VPS37B: variants seen among roughly 807,000 people sequenced by gnomAD.
VPS37B encodes the protein vacuolar protein sorting-associated protein 37B.
A neutral mutation model predicts 21.2 loss-of-function variants in VPS37B; 11 were observed. The observed-to-expected ratio is 0.52, with a 90% confidence interval of 0.33 to 0.86. The LOEUF (loss-of-function observed/expected upper bound fraction) is 0.86, where lower values mean the gene tolerates loss of function less well. Among genes scored for constraint, VPS37B ranks in the 40% least tolerant of loss-of-function variants. The pLI is 0.03. For synonymous variants in VPS37B, 175 were observed against 159.6 expected, an observed-to-expected ratio of 1.10 and a Z score of -0.73; for missense variants, 389 against 374.8, an observed-to-expected ratio of 1.04 and a Z score of -0.31.
At chr12:122,893,309 T>C (rs910033794) in intron 1 of VPS37B, among the ~76,000 whole-genome samples, 3 of 152,164 alleles carry the variant, frequency 2.0e-5, no homozygotes, top group East Asian at 3.8e-4. Flanking sequence ...CTCTATGAAA[T>C]AGGTATTACT....
chr12:122,892,965 G>A (rs1368989795), intron 1 of VPS37B, among the ~76,000 whole-genome samples: 1 of 151,750 alleles, frequency 6.6e-6, no homozygotes, highest in Non-Finnish European at 1.5e-5. Context: ...GGAGGCTAAG[G>A]CACGAGAATC....
chr12:122,882,725 G>C (rs2034263616), intron 1 of VPS37B: 1 of 152,140 alleles, frequency 6.6e-6, no homozygotes, highest in South Asian at 2.1e-4. Flanking sequence ...CATGCAATTT[G>C]AGTTTGAGCT....
chr12:122,890,281 T>C (rs1461357310), intron 1 of VPS37B: 2 of 151,954 alleles, frequency 1.3e-5, no homozygotes, highest in African/African-American at 2.4e-5. Context: ...AGAAACCTAA[T>C]GTAGCCAGAG....
At position 122,866,885 on chromosome 12, in the gene VPS37B, A is replaced by C. The variant is rs1177048936; in HGVS notation, c.*231T>G. On this transcript the variant is annotated 3_prime_UTR_variant, in exon 4 of 4. Transcript: ENST00000267202. ...ACTTAGAAATCACACGGATAATGCA[A>C]ACCGATGCAACGCACAGGTGTCAGG... 1 of 455,416 alleles carries C rather than the reference A, an allele frequency of 2.2e-6. No homozygotes were observed. Among genetic ancestry groups the C allele is most frequent in the Non-Finnish European group, 3.8e-6 (1 of 264,732 alleles). 28.2% of individuals were successfully genotyped at this position (455,416 alleles called of 1,614,324 possible). A position where few individuals can be genotyped will look rare whatever the true frequency, so the allele number is the denominator to read the frequency against.
intron 1 of VPS37B, chr12:122,876,212 G>A (rs932511611): frequency 6.6e-6 from 1 of 152,030 alleles, no homozygotes; most frequent in African/African-American, 2.4e-5. Flanking sequence ...CAGCCCGAGT[G>A]GTATGATTTT....
intron 2 of VPS37B, among the ~76,000 whole-genome samples, chr12:122,869,155 T>A (rs912290896): frequency 6.6e-6 from 1 of 152,254 alleles, no homozygotes; most frequent in Non-Finnish European, 1.5e-5. Flanking sequence ...AGTGTTCCAT[T>A]GTGTAAACAG....
At chr12:122,884,774 T>G (rs1192935746) in intron 1 of VPS37B, 1 of 151,996 alleles carries the variant, frequency 6.6e-6, no homozygotes, top group Non-Finnish European at 1.5e-5. Context: ...TAGGAAGAGC[T>G]TCGGGTTTTA....
intron 1 of VPS37B, chr12:122,872,095 G>T: frequency 3.0e-6 from 3 of 985,296 alleles, no homozygotes; most frequent in Non-Finnish European, 3.6e-6. Context: ...TTTTTGCTGC[G>T]ACTTCCTTCC....
At chr12:122,888,720 C>T in intron 1 of VPS37B, 1 of 371,832 alleles carries the variant, frequency 2.7e-6, no homozygotes, top group Non-Finnish European at 5.6e-6. Flanking sequence ...ACTTGTTTCT[C>T]TCGTTTCTCC....
intron 2 of VPS37B, 103 bp downstream of exon 2, chr12:122,870,787 C>T (rs1022525844): frequency 1.7e-5 from 20 of 1,198,094 alleles, no homozygotes; most frequent in Admixed American, 2.4e-5. Flanking sequence ...GCTATCTTAA[C>T]CTGAAATTTT....
intron 1 of VPS37B, among the ~76,000 whole-genome samples, chr12:122,895,684 C>G (rs2034481531): frequency 6.6e-6 from 1 of 151,948 alleles, no homozygotes; most frequent in East Asian, 1.9e-4. Context: ...ATCGGCTCCC[C>G]AAGCCCCGTC....
chr12:122,891,840 C>T (rs139985311), intron 1 of VPS37B, among the ~76,000 whole-genome samples: 52 of 152,354 alleles, frequency 3.4e-4, no homozygotes, highest in African/African-American at 1.2e-3. Context: ...CAGCTTCTTC[C>T]AGACCAGAGC....
At chr12:122,871,929 C>T (rs118162845) in intron 1 of VPS37B, 13,197 of 985,440 alleles carry the variant, frequency 0.013, 120 homozygotes, top group Non-Finnish European at 0.015. Context: ...ACAGCCCAGC[C>T]GCCGCCACCT....
chr12:122,892,301 C>T (rs946414150), intron 1 of VPS37B, among the ~76,000 whole-genome samples: 2 of 152,026 alleles, frequency 1.3e-5, no homozygotes, highest in Non-Finnish European at 2.9e-5. Flanking sequence ...ACCGTAGCTC[C>T]GAAATCATGT....
At chr12:122,882,522 C>G (rs1299996627) in intron 1 of VPS37B, 4 of 152,130 alleles carry the variant, frequency 2.6e-5, no homozygotes, top group Non-Finnish European at 4.4e-5. Context: ...TAAAACAAAT[C>G]TTAGCTTTTG....
At chr12:122,871,481 C>G (rs751010519) in intron 1 of VPS37B, 105 of 988,612 alleles carry the variant, frequency 1.1e-4, no homozygotes, top group Non-Finnish European at 1.2e-4. Flanking sequence ...CAGCAGGAGA[C>G]CAGTTGGCAT....
In VPS37B at chr12:122,868,426, C is replaced by T; in HGVS notation, c.366+54G>A. The T allele has an allele frequency of 1.3e-6, 2 of 1,538,932 alleles. No individual in the cohort carries two copies. The highest frequency in any genetic ancestry group is 2.7e-5 in the African/African-American group (2 of 73,748). On this transcript the variant is annotated intron_variant, in intron 3 of 3. Transcript: ENST00000267202. The surrounding 1 kb of genome is among the most constrained non-coding windows in gnomAD (Gnocchi z 5.5). ...ACTCACGGTCCCTGGAGGCAGCGGG[C>T]CCACGGACTGCCCAAAGCGCCCCAA...
rs1478526283 is a variant in VPS37B, at chr12:122,868,181, C to T, written c.366+299G>A. 3.3e-5 allele frequency among the ~76,000 whole-genome samples: 5 copies of T among 152,252 alleles called. No individual in the cohort carries two copies. The highest frequency in any genetic ancestry group is 1.2e-4 in the African/African-American group (5 of 41,468). ...CTCTGTAGCCTCCTCCCAGCTGGCC[C>T]TTGAACGACGGCACGTGGTAATCCG... On this transcript the variant is annotated intron_variant, in intron 3 of 3. Transcript: ENST00000267202. This position sits in a 1 kb window ranked among gnomAD's most constrained non-coding sequence, Gnocchi z 5.5.
chr12:122,874,155 G>C lies in VPS37B; in HGVS notation c.112-3094C>G, dbSNP rs545611452. The C allele has an allele frequency of 9.8e-5, 15 of 152,374 alleles. No individual in the cohort carries two copies. The East Asian group carries it at 1.7e-3, about 18-fold the overall frequency. The allele number at this position is 152,374 out of a possible 1,614,324, so 9.4% of individuals were successfully genotyped here. ...TCAGTCAAGGTAGCACACAGCAAGT[G>C]CAGGTCTCCCACGCAACCACTTGAA... On this transcript the variant is annotated intron_variant, in intron 1 of 3. Coordinates refer to ENST00000267202, the MANE Select transcript of VPS37B (RefSeq NM_024667.3).
Sources: gnomAD v4.1 joint callset for allele counts (sites outside exome capture counted in the v4.1 genomes callset) on GRCh38, gnomAD v4.1.1 for gene constraint, Gnocchi (gnomAD v3.1) non-coding constraint, MANE v1.5 for transcripts, NCBI Gene and HGNC (gene_info 2026-07-23, HGNC 2026-07-21) for gene names.